CNTNAP5: variants seen among roughly 807,000 people sequenced by gnomAD.
CNTNAP5 encodes the protein contactin associated protein family member 5.
In CNTNAP5, 72 loss-of-function variants were observed where a neutral mutation model predicts 150.2. The observed-to-expected ratio is 0.48, with a 90% confidence interval of 0.40 to 0.58. CNTNAP5 has a LOEUF of 0.58. CNTNAP5 is among the 20% of genes least tolerant of loss of function. The pLI, the probability that CNTNAP5 is intolerant of heterozygous loss-of-function variation, is 0.00. For synonymous variants in CNTNAP5, 672 were observed against 619.8 expected, an observed-to-expected ratio of 1.08 and a Z score of -1.25; for missense variants, 1,636 against 1,626.2, an observed-to-expected ratio of 1.01 and a Z score of -0.10.
At chr2:124,755,073 T>G (rs2105154704) in intron 14 of CNTNAP5, among the ~76,000 whole-genome samples, 1 of 151,442 alleles carries the variant, frequency 6.6e-6, no homozygotes, top group East Asian at 1.9e-4. Context: ...TAAAGCAGGT[T>G]TTTTTTTTCT....
intron 10 of CNTNAP5, among the ~76,000 whole-genome samples, chr2:124,557,021 A>T (rs1244230061): frequency 6.6e-6 from 1 of 152,122 alleles, no homozygotes; most frequent in Non-Finnish European, 1.5e-5. Context: ...GCTCAAAAAA[A>T]AAAAAAGCTC....
chr2:124,342,597 A>G (rs1037939384), intron 3 of CNTNAP5, among the ~76,000 whole-genome samples: 3 of 152,230 alleles, frequency 2.0e-5, no homozygotes, highest in Non-Finnish European at 4.4e-5. Flanking sequence ...TATTAGAAGA[A>G]GAATAAATTC....
At chr2:124,240,020 G>C (rs1289607830) in intron 2 of CNTNAP5, among the ~76,000 whole-genome samples, 1 of 152,032 alleles carries the variant, frequency 6.6e-6, no homozygotes, top group African/African-American at 2.4e-5. Context: ...TCCTGTTGAA[G>C]AATAATTGCA....
intron 10 of CNTNAP5, among the ~76,000 whole-genome samples, chr2:124,529,748 T>C (rs901108589): frequency 6.6e-6 from 1 of 152,160 alleles, no homozygotes; most frequent in Non-Finnish European, 1.5e-5. Context: ...TGGTTTTCCT[T>C]ACCTGGACTG....
At chr2:124,322,745 C>T (rs770961165) in intron 3 of CNTNAP5, among the ~76,000 whole-genome samples, 1 of 152,166 alleles carries the variant, frequency 6.6e-6, no homozygotes, top group African/African-American at 2.4e-5. Context: ...CTGAGGAATA[C>T]TTGTCCATGG....
chr2:124,874,988 C>T (rs1211060934), intron 21 of CNTNAP5, among the ~76,000 whole-genome samples: 1 of 152,012 alleles, frequency 6.6e-6, no homozygotes, highest in African/African-American at 2.4e-5. Flanking sequence ...GAAAGAATTT[C>T]TTCTCAAGAT....
At chr2:124,299,206 A>C (rs977580057) in intron 3 of CNTNAP5, among the ~76,000 whole-genome samples, 3 of 152,158 alleles carry the variant, frequency 2.0e-5, no homozygotes, top group Admixed American at 2.0e-4. Flanking sequence ...CAATTGGTGC[A>C]TATTTTTGTG....
chr2:124,885,549 TCACACACACACACACA>T lies in CNTNAP5; in HGVS notation c.3436+15812_3436+15827del, dbSNP rs3980831. On this transcript the variant is annotated intron_variant, in intron 21 of 23. Transcript: ENST00000682447. Reference sequence around the variant, plus strand: ...TCTATCTAGCTCCAAAACATTTTCATCACACACACACACACACACACACACACACACACACACACAA... The same window carrying T: ...TCTATCTAGCTCCAAAACATTTTCATCACACACACACACACACACACACAA... Among the ~76,000 whole-genome samples, 73 of 145,262 alleles carry T rather than the reference TCACACACACACACACA, an allele frequency of 5.0e-4. 1 individual carries two copies. Among genetic ancestry groups the T allele is most frequent in the South Asian group, 2.2e-4 (1 of 4,470 alleles).
At chr2:124,837,470 C>A (rs1358762850) in intron 19 of CNTNAP5, among the ~76,000 whole-genome samples, 5 of 152,098 alleles carry the variant, frequency 3.3e-5, no homozygotes, top group Non-Finnish European at 7.4e-5. Flanking sequence ...TAATTCATTT[C>A]TTTTGCTACC....
At chr2:124,764,283 A>C in intron 16 of CNTNAP5, 136 bp downstream of exon 16, 1 of 666,864 alleles carries the variant, frequency 1.5e-6, no homozygotes, top group Non-Finnish European at 2.6e-6. Flanking sequence ...AGCAGTGATA[A>C]TGTCTAGTTC....
At chr2:124,081,437 C>T (rs1682556922) in intron 1 of CNTNAP5, among the ~76,000 whole-genome samples, 1 of 152,158 alleles carries the variant, frequency 6.6e-6, no homozygotes, top group Non-Finnish European at 1.5e-5. Flanking sequence ...ATCCTAGCAA[C>T]CTTCTTTTAG....
chr2:124,562,998 C>A (rs746945427), intron 10 of CNTNAP5, among the ~76,000 whole-genome samples: 1 of 152,176 alleles, frequency 6.6e-6, no homozygotes, highest in African/African-American at 2.4e-5. Context: ...ATCAGCTTTG[C>A]GACTTTCATT....
At chr2:124,838,657 C>G (rs1252230005) in intron 19 of CNTNAP5, among the ~76,000 whole-genome samples, 1 of 152,120 alleles carries the variant, frequency 6.6e-6, no homozygotes, top group African/African-American at 2.4e-5. Context: ...ATTCATAACT[C>G]TTAGATCTCC....
rs529736044 is a variant in CNTNAP5 at position 124,392,556 on chromosome 2, A to G, written c.382-24887A>G. Among the ~76,000 whole-genome samples the G allele has an allele frequency of 2.5e-3, 386 of 152,144 alleles. 3 individuals carry two copies. The highest frequency in any genetic ancestry group is 8.8e-3 in the African/African-American group (367 of 41,504). ...TCACAAAGAAGTAAAGCCATATTGA[A>G]ATTTATTCATACACCCTGTCATCTC... is the stretch of plus-strand genomic sequence containing the variant. On this transcript the variant is annotated intron_variant, in intron 3 of 23. Transcript: ENST00000682447.
intron 22 of CNTNAP5, among the ~76,000 whole-genome samples, chr2:124,910,550 G>T (rs1490053665): frequency 6.6e-6 from 1 of 151,936 alleles, no homozygotes; most frequent in Non-Finnish European, 1.5e-5. Context: ...CACCAATCTT[G>T]ATATTTTTCA....
chr2:124,214,574 G>A (rs925144743), intron 1 of CNTNAP5, among the ~76,000 whole-genome samples: 8 of 152,184 alleles, frequency 5.3e-5, no homozygotes, highest in African/African-American at 9.7e-5. Context: ...AACCCGTGCC[G>A]TTATAAAGTT....
chr2:124,383,554 G>A (rs1238294873), intron 3 of CNTNAP5, among the ~76,000 whole-genome samples: 2 of 152,156 alleles, frequency 1.3e-5, no homozygotes, highest in African/African-American at 4.8e-5. Context: ...ATGTGGTACT[G>A]TAGCTTGGAA....
chr2:124,324,329 G>T (rs1287891019), intron 3 of CNTNAP5, among the ~76,000 whole-genome samples: 1 of 152,172 alleles, frequency 6.6e-6, no homozygotes, highest in Non-Finnish European at 1.5e-5. Flanking sequence ...TGAATATGAG[G>T]TTGTACTGAC....
At chr2:124,232,386 A>G (rs1686645962) in intron 2 of CNTNAP5, among the ~76,000 whole-genome samples, 1 of 152,122 alleles carries the variant, frequency 6.6e-6, no homozygotes, top group Non-Finnish European at 1.5e-5. Flanking sequence ...AGTCTACTGG[A>G]TATGTTGTTG....
Sources: allele counts gnomAD v4.1 joint callset (sites outside exome capture counted in the v4.1 genomes callset), GRCh38; gene constraint gnomAD v4.1.1; transcripts MANE v1.5; gene names NCBI Gene and HGNC (gene_info 2026-07-23, HGNC 2026-07-21).